The following CATSPERB variants were observed in gnomAD, a reference collection of about 807,000 sequenced individuals.
CATSPERB encodes catsper channel auxiliary subunit beta, also known as cation channel sperm-associated auxiliary subunit beta.
Under a neutral mutation model 128.3 loss-of-function variants are expected in CATSPERB, and 93 were observed. The ratio of observed to expected loss-of-function variants is 0.72; its 90% CI spans 0.61 to 0.86. The LOEUF is 0.86. Ranked by LOEUF, CATSPERB falls within the 40% of genes least tolerant of loss-of-function variation. The probability of loss-of-function intolerance (pLI) is 0.00; values close to 1 mark genes in which losing one functional copy is unlikely to be tolerated. For missense variants in CATSPERB, 1,153 were observed against 1,329.5 expected (o/e 0.87, Z 2.06); for synonymous variants, 381 against 448.8 (o/e 0.85, Z 1.91).
In CATSPERB at chr14:91,624,838, G is replaced by A. The variant is rs758403299; in HGVS notation, c.1912C>T (p.Leu638Phe). Residue 638 changes from leucine (L) to phenylalanine (F), a missense_variant, in exon 18 of 27, where the codon CTC (leucine) becomes TTC (phenylalanine). Leu to Phe is a conservative substitution (Grantham distance 22). Coordinates refer to ENST00000256343, the MANE Select transcript of CATSPERB (RefSeq NM_024764.4). ...TACCTACCTTGTGAATCAAGAGTGA[G>A]TTTATAGACATTTCCAGCTTTATTA... ...LINKAGNVYK[L>F]TLDSQVVQAL... is the part of the protein sequence containing the mutation. 1 of 1,604,522 alleles carries A rather than the reference G, an allele frequency of 6.2e-7. No individual in the cohort carries two copies. Among genetic ancestry groups the A allele is most frequent in the South Asian group, 1.1e-5 (1 of 88,572 alleles).
At position 91,621,646 on chromosome 14, in the gene CATSPERB, G is replaced by C; in HGVS notation, c.2222C>G (p.Ser741Cys). The C allele has an allele frequency of 6.2e-7, 1 of 1,610,640 alleles. No homozygotes were observed. The highest frequency in any genetic ancestry group is 8.5e-7 in the Non-Finnish European group (1 of 1,177,904). ...TATGACCTTAGCTTTTAAAACATAA[G>C]AGTTTCCCAGATCAATGTATTTCAC... ...NIVKYIDLGN[S>C]YVLKAKVIRN... The change falls in exon 19 of 27, where the codon TCT becomes TGT. Residue 741 changes from serine (S) to cysteine (C), a missense_variant. Ser to Cys is a moderately radical substitution (Grantham distance 112, BLOSUM62 -1). Transcript: ENST00000256343.
chr14:91,627,047 G>T (rs754565562), intron 17 of CATSPERB, among the ~76,000 whole-genome samples: 3 of 152,144 alleles, frequency 2.0e-5, no homozygotes, highest in Non-Finnish European at 4.4e-5. Flanking sequence ...ACATTTGGTC[G>T]ACCTCATTTG....
Position 91,610,588 on chromosome 14 carries a change from A to C in CATSPERB, c.2490T>G (p.Ser830Arg), listed in dbSNP as rs769416378. Residue 830 changes from serine to arginine, a missense_variant, in exon 21 of 27, where the codon AGT becomes AGG. Coordinates refer to ENST00000256343, the MANE Select transcript of CATSPERB (RefSeq NM_024764.4). ...GAATGTGATGCATAGATCTGAGATA[A>C]CTACAGCTGCTTTTCAGTGTTGGCA... ...TMVPTLKSSC[S>R]YLRSMHHIPS... is the part of the protein sequence containing the mutation. 1 of 1,614,182 alleles carries C rather than the reference A, an allele frequency of 6.2e-7. No homozygotes were observed. The highest frequency in any genetic ancestry group is 8.5e-7 in the Non-Finnish European group (1 of 1,180,026).
chr14:91,649,813 T>C (rs950035222), intron 15 of CATSPERB, among the ~76,000 whole-genome samples: 2 of 151,922 alleles, frequency 1.3e-5, no homozygotes, highest in African/African-American at 4.8e-5. Context: ...GTTATTCCTC[T>C]TGTCTTTTAA....
intron 5 of CATSPERB, among the ~76,000 whole-genome samples, chr14:91,714,636 T>C (rs1182990760): frequency 6.7e-6 from 1 of 148,468 alleles, no homozygotes; most frequent in East Asian, 2.0e-4. Context: ...CTTGACTCAC[T>C]GCAACCTCTG....
At chr14:91,702,272 G>A (rs1187045106) in intron 7 of CATSPERB, among the ~76,000 whole-genome samples, 3 of 151,854 alleles carry the variant, frequency 2.0e-5, no homozygotes, top group Non-Finnish European at 4.4e-5. Context: ...AAGAAAAGGA[G>A]CCAAGTTTCT....
Position 91,724,208 on chromosome 14 carries a change from TAGA to T in CATSPERB, c.168+869_168+871del, listed in dbSNP as rs755881411. Among the ~76,000 whole-genome samples the T allele has an allele frequency of 2.2e-4, 34 of 152,132 alleles. 1 individual carries two copies. Among genetic ancestry groups the T allele is most frequent in the Non-Finnish European group, 2.8e-4 (19 of 68,032 alleles). On this transcript the variant is annotated intron_variant, in intron 3 of 26. Coordinates refer to ENST00000256343, the MANE Select transcript of CATSPERB (RefSeq NM_024764.4). Reference sequence around the variant, plus strand: ...AAAAAGTAGGTTATAATTCCCTTTTTAGAAGAAGAACTGAGGGTTAGAGAGTTT... The same window carrying T: ...AAAAAGTAGGTTATAATTCCCTTTTTAGAAGAACTGAGGGTTAGAGAGTTT...
chr14:91,595,099 T>C (rs1039205326), intron 22 of CATSPERB, among the ~76,000 whole-genome samples: 2 of 152,126 alleles, frequency 1.3e-5, no homozygotes, highest in African/African-American at 2.4e-5. Context: ...ACAGGTCTAC[T>C]GTAGTTCTGA....
intron 15 of CATSPERB, among the ~76,000 whole-genome samples, chr14:91,640,248 T>A (rs532448575): frequency 0.013 from 1,353 of 102,802 alleles, 17 homozygotes; most frequent in Middle Eastern, 0.055. Context: ...CTTTTTATTT[T>A]TTTATTTTTT....
At chr14:91,640,954 A>T (rs1459080335) in intron 15 of CATSPERB, among the ~76,000 whole-genome samples, 2 of 150,862 alleles carry the variant, frequency 1.3e-5, no homozygotes, top group Non-Finnish European at 2.9e-5. Flanking sequence ...GGTATCTCAT[A>T]GTGGTTTTGA....
At chr14:91,694,863 T>G (rs1895533632) in intron 7 of CATSPERB, among the ~76,000 whole-genome samples, 1 of 152,174 alleles carries the variant, frequency 6.6e-6, no homozygotes. Flanking sequence ...TGAAGTTTTG[T>G]CAAAGGACAT....
chr14:91,701,441 T>C (rs1895646912), intron 7 of CATSPERB, among the ~76,000 whole-genome samples: 1 of 151,534 alleles, frequency 6.6e-6, no homozygotes, highest in African/African-American at 2.4e-5. Context: ...AAAAAGTGAG[T>C]GATATGGGGG....
At chr14:91,718,511 G>A (rs1163201056) in intron 5 of CATSPERB, among the ~76,000 whole-genome samples, 1 of 152,140 alleles carries the variant, frequency 6.6e-6, no homozygotes, top group Non-Finnish European at 1.5e-5. Context: ...TTTGCTTGGT[G>A]CACAGGTGGA....
intron 17 of CATSPERB, among the ~76,000 whole-genome samples, chr14:91,634,661 TATATAC>T (rs200488876): frequency 2.7e-3 from 59 of 21,924 alleles, no homozygotes; most frequent in African/African-American, 0.013. Context: ...GATATATATA[TATATAC>T]ATACACACAC....
intron 11 of CATSPERB, among the ~76,000 whole-genome samples, chr14:91,675,068 A>C (rs1483388727): frequency 6.6e-6 from 1 of 152,062 alleles, no homozygotes; most frequent in East Asian, 1.9e-4. Flanking sequence ...ATATGTGGCA[A>C]GCAGCCAAGC....
chr14:91,674,365 A>T (rs1295892106), intron 11 of CATSPERB, 143 bp from the exon 12 acceptor site: 1 of 572,946 alleles, frequency 1.7e-6, no homozygotes, highest in African/African-American at 2.0e-5. Context: ...AATAATAATA[A>T]TAAAAGTTAT....
intron 26 of CATSPERB, 146 bp from the exon 27 acceptor site, chr14:91,581,253 T>A: frequency 1.5e-6 from 1 of 663,714 alleles, no homozygotes; most frequent in African/African-American, 1.8e-5. Flanking sequence ...TTGGAAACAG[T>A]CTCTTGACAG....
intron 15 of CATSPERB, among the ~76,000 whole-genome samples, chr14:91,657,535 A>G (rs1364321525): frequency 6.6e-6 from 1 of 152,200 alleles, no homozygotes; most frequent in African/African-American, 2.4e-5. Flanking sequence ...ACATCAAGTT[A>G]GAGAGCTTCT....
chr14:91,636,577 A>G lies in CATSPERB; in HGVS notation c.1590T>C (p.Pro530=). ...GCGCAGTCTCAAAGCCCATATCTGG[A>G]GGCTGGAAACAGAGAAAAGAAAATA... ...FGNSRNLFGQ[P]PDMGFETALA... Residue 530 remains proline, a splice_region_variant and synonymous_variant, in exon 17 of 27, where the codon CCT becomes CCC. Transcript: ENST00000256343. 2 of 1,609,590 alleles carry G rather than the reference A, an allele frequency of 1.2e-6. No homozygotes were observed. Among genetic ancestry groups the G allele is most frequent in the Non-Finnish European group, 1.7e-6 (2 of 1,178,328 alleles).
Sources: gnomAD v4.1 joint callset for allele counts (sites outside exome capture counted in the v4.1 genomes callset) on GRCh38, gnomAD v4.1.1 for gene constraint, MANE v1.5 for transcripts, NCBI Gene and HGNC (gene_info 2026-07-23, HGNC 2026-07-21) for gene names.